PRKG1: variants seen among roughly 807,000 people sequenced by gnomAD.
PRKG1 encodes the protein cGMP-dependent protein kinase 1.
Under a neutral mutation model 88.1 loss-of-function variants are expected in PRKG1, and 35 were observed. The observed-to-expected ratio is 0.40, with a 90% CI of 0.30 to 0.53. The LOEUF is 0.53. Ranked by LOEUF, PRKG1 falls within the 20% of genes least tolerant of loss-of-function variation. The pLI, the probability that PRKG1 is intolerant of heterozygous loss-of-function variation, is 0.59. For missense variants in PRKG1, 540 were observed against 839.8 expected (o/e 0.64, Z 4.41); for synonymous variants, 303 against 292.5 (o/e 1.04, Z -0.37).
chr10:51,200,228 T>C (rs1837879841), intron 2 of PRKG1, among the ~76,000 whole-genome samples: 1 of 152,300 alleles, frequency 6.6e-6, no homozygotes, highest in East Asian at 1.9e-4. Flanking sequence ...GTTAAGGATG[T>C]GTGGTTGAAG....
At chr10:51,572,558 A>T (rs535682581) in intron 3 of PRKG1, among the ~76,000 whole-genome samples, 1 of 151,936 alleles carries the variant, frequency 6.6e-6, no homozygotes, top group South Asian at 2.1e-4. Flanking sequence ...GGATTAATTC[A>T]GTGATTCTAT....
chr10:51,547,532 A>G (rs1363378232), intron 3 of PRKG1, among the ~76,000 whole-genome samples: 3 of 152,116 alleles, frequency 2.0e-5, no homozygotes, highest in Non-Finnish European at 4.4e-5. Context: ...ATTTGATTTT[A>G]TAGGACACTG....
At chr10:51,523,434 G>T (rs557260130) in intron 3 of PRKG1, among the ~76,000 whole-genome samples, 83 of 152,162 alleles carry the variant, frequency 5.5e-4, no homozygotes, top group Admixed American at 2.2e-3. Context: ...CAGCAAATTT[G>T]TTAAGTTGTT....
intron 9 of PRKG1, among the ~76,000 whole-genome samples, chr10:52,219,492 C>T (rs1840191524): frequency 6.6e-6 from 1 of 152,146 alleles, no homozygotes; most frequent in South Asian, 2.1e-4. Flanking sequence ...TTATTCTCCT[C>T]CAATAAGCTT....
At position 51,085,404 on chromosome 10, in the gene PRKG1, A is replaced by G. The variant is rs183600656; in HGVS notation, c.311+10503A>G. Reference sequence around the variant, plus strand: ...TTTGCTAAGCCTGTGTTGACAACTCATTATGTCAGTGGGAAGAGAGAAATA... The same window carrying G: ...TTTGCTAAGCCTGTGTTGACAACTCGTTATGTCAGTGGGAAGAGAGAAATA... On this transcript the variant is annotated intron_variant, in intron 1 of 17. Transcript: ENST00000373980. 1.3e-3 allele frequency among the ~76,000 whole-genome samples: 201 copies of G among 152,286 alleles called. 1 individual carries two copies. Among genetic ancestry groups the G allele is most frequent in the Admixed American group, 3.0e-3 (46 of 15,286 alleles).
At chr10:51,374,093 A>AAAAAAATATATATAT in intron 2 of PRKG1, among the ~76,000 whole-genome samples, 1,454 of 99,802 alleles carry the variant, frequency 0.015, 43 homozygotes, top group African/African-American at 0.046. Context: ...AAAAAAAAAA[A>AAAAAAATATATATAT]ATATATATAT....
Position 51,632,446 on chromosome 10 carries a change from C to T in PRKG1, c.592+164610C>T, listed in dbSNP as rs545889681. 1.7e-3 allele frequency among the ~76,000 whole-genome samples: 260 copies of T among 152,268 alleles called. 3 individuals carry two copies. Among genetic ancestry groups the T allele is most frequent in the African/African-American group, 6.0e-3 (250 of 41,550 alleles). ...TCCAATGATTTTATGAGCTTGTGCA[C>T]GTGCACACCCATCGCAGTCAAGTAC... On this transcript the variant is annotated intron_variant, in intron 3 of 17. Transcript: ENST00000373980.
chr10:51,205,122 C>CTTTTCTTTCTTTTTTTTTTTTT lies in PRKG1; in HGVS notation c.478+51800_478+51801insCTTTTTTTTTTTTTTTTTCTTT, dbSNP rs1838013921. Among the ~76,000 whole-genome samples the CTTTTCTTTCTTTTTTTTTTTTT allele has an allele frequency of 5.7e-5, 2 of 34,934 alleles. 1 individual carries two copies. Among genetic ancestry groups the CTTTTCTTTCTTTTTTTTTTTTT allele is most frequent in the Non-Finnish European group, 1.2e-4 (2 of 16,544 alleles). The allele number at this position is 34,934 out of a possible 152,430, so 22.9% of individuals were successfully genotyped here. Reference sequence around the variant, plus strand: ...TTTCATAAGGAAGAATTTTCATTTTCTTTTCTTTTTTTTTTTTTTTTTTTT... The same window carrying CTTTTCTTTCTTTTTTTTTTTTT: ...TTTCATAAGGAAGAATTTTCATTTTCTTTTCTTTCTTTTTTTTTTTTTTTTTCTTTTTTTTTTTTTTTTTTTT... On this transcript the variant is annotated intron_variant, in intron 2 of 17. Coordinates refer to ENST00000373980, the MANE Select transcript of PRKG1 (RefSeq NM_006258.4).
chr10:51,509,787 G>A (rs917155935), intron 3 of PRKG1, among the ~76,000 whole-genome samples: 3 of 152,168 alleles, frequency 2.0e-5, no homozygotes, highest in Non-Finnish European at 4.4e-5. Flanking sequence ...TAAACCAAAG[G>A]CAAAACAGGT....
chr10:51,534,418 C>T (rs1402564674), intron 3 of PRKG1, among the ~76,000 whole-genome samples: 2 of 152,020 alleles, frequency 1.3e-5, no homozygotes, highest in African/African-American at 4.8e-5. Flanking sequence ...CCTGTAATCC[C>T]AGCACTTTGG....
intron 3 of PRKG1, among the ~76,000 whole-genome samples, chr10:51,780,306 A>G (rs1010132051): frequency 8.5e-5 from 13 of 152,130 alleles, no homozygotes; most frequent in Middle Eastern, 3.2e-3. Context: ...CATAAGGCAC[A>G]GTGATTTTTA....
chr10:51,097,334 T>A (rs896662498), intron 1 of PRKG1, among the ~76,000 whole-genome samples: 1 of 152,170 alleles, frequency 6.6e-6, no homozygotes, highest in Non-Finnish European at 1.5e-5. Flanking sequence ...GTTATTCTCC[T>A]GTCTCAGCCT....
intron 2 of PRKG1, among the ~76,000 whole-genome samples, chr10:51,290,220 A>G (rs1475822797): frequency 6.6e-6 from 1 of 152,172 alleles, no homozygotes; most frequent in Non-Finnish European, 1.5e-5. Flanking sequence ...AGCCTGGAAC[A>G]CAGAGCGAGA....
intron 5 of PRKG1, among the ~76,000 whole-genome samples, chr10:51,956,155 T>TC (rs1843296974): frequency 6.6e-6 from 1 of 152,104 alleles, no homozygotes; most frequent in East Asian, 1.9e-4. Flanking sequence ...CTGTTGCAAA[T>TC]GTCAGTAAAA....
intron 3 of PRKG1, among the ~76,000 whole-genome samples, chr10:51,770,711 C>G (rs1838282292): frequency 6.6e-6 from 1 of 152,126 alleles, no homozygotes; most frequent in Admixed American, 6.5e-5. Context: ...AGTTTAATGC[C>G]TGATGATCTG....
rs556087317 is a variant in PRKG1, at chr10:51,412,269, C to T, written c.479-55454C>T. On this transcript the variant is annotated intron_variant, in intron 2 of 17. Transcript: ENST00000373980. Reference sequence around the variant, plus strand: ...TTATTCAGAAAAATGTCAACAGGGCCTCAGGAAAAAAGGAAGGAAAAAACA... The same window carrying T: ...TTATTCAGAAAAATGTCAACAGGGCTTCAGGAAAAAAGGAAGGAAAAAACA... Among the ~76,000 whole-genome samples, 5 of 150,650 alleles carry T rather than the reference C, an allele frequency of 3.3e-5. No individual in the cohort carries two copies. In the South Asian group the frequency reaches 1.1e-3, roughly 32 times the overall value.
At chr10:51,183,751 T>C in intron 2 of PRKG1, among the ~76,000 whole-genome samples, 1 of 152,326 alleles carries the variant, frequency 6.6e-6, no homozygotes, top group African/African-American at 2.4e-5. Context: ...TATGTATAAA[T>C]ACATACATAT....
intron 10 of PRKG1, among the ~76,000 whole-genome samples, chr10:52,268,571 A>G (rs1166993570): frequency 6.6e-6 from 1 of 152,076 alleles, no homozygotes; most frequent in Non-Finnish European, 1.5e-5. Context: ...TTTATCTCAC[A>G]GTCCATGAGT....
intron 5 of PRKG1, among the ~76,000 whole-genome samples, chr10:51,914,082 A>G (rs1467598334): frequency 2.0e-5 from 3 of 152,088 alleles, no homozygotes; most frequent in South Asian, 2.1e-4. Context: ...TTCTTCTCTT[A>G]TGTATACTAA....
Sources: allele counts gnomAD v4.1 joint callset (sites outside exome capture counted in the v4.1 genomes callset), GRCh38; gene constraint gnomAD v4.1.1; transcripts MANE v1.5; gene names NCBI Gene and HGNC (gene_info 2026-07-23, HGNC 2026-07-21).